The following PTGES2 variants were observed in gnomAD, a reference collection of about 807,000 sequenced individuals.
PTGES2 encodes GATE-binding factor 1.
Under a neutral mutation model 44.5 loss-of-function variants are expected in PTGES2, and 35 were observed. That is an observed-to-expected ratio of 0.79 (90% CI 0.60 to 1.04). PTGES2 has a LOEUF of 1.04. PTGES2 is among the 50% of genes least tolerant of loss of function. PTGES2 has a pLI of 0.00. For missense variants in PTGES2, 517 were observed against 521.4 expected (o/e 0.99, Z 0.08); for synonymous variants, 221 against 227.5 (o/e 0.97, Z 0.26).
At chr9:128,127,115 G>A (rs917092183) in intron 1 of PTGES2, among the ~76,000 whole-genome samples, 1 of 141,246 alleles carries the variant, frequency 7.1e-6, no homozygotes, top group Admixed American at 7.6e-5. Flanking sequence ...GGAGGCAGAG[G>A]CTGCAGTGAG....
chr9:128,122,785 G>A, intron 5 of PTGES2, 149 bp downstream of exon 5: 3 of 801,696 alleles, frequency 3.7e-6, no homozygotes, highest in Non-Finnish European at 6.0e-6. Context: ...GTCCCATCTT[G>A]GCCAAGGGAC....
Position 128,124,558 on chromosome 9 carries a change from A to C in PTGES2, c.478-8T>G, listed in dbSNP as rs1472660216. 1.9e-6 allele frequency: 3 copies of C among 1,612,872 alleles called. No individual in the cohort carries two copies. The highest frequency in any genetic ancestry group is 2.5e-6 in the Non-Finnish European group (3 of 1,179,248). On this transcript the variant is annotated splice_polypyrimidine_tract_variant and splice_region_variant and intron_variant, in intron 2 of 6. Transcript: ENST00000338961. ...GGAGTCATTTAGTTGTTGCTGGAAG[A>C]GAAAAGGGTGGTTTAATCAGAGGTT...
rs142678482 is a variant in PTGES2, at chr9:128,122,084, T to C, written c.1005+278A>G. On this transcript the variant is annotated intron_variant, in intron 6 of 6. Coordinates refer to ENST00000338961, the MANE Select transcript of PTGES2 (RefSeq NM_025072.7). ...GGAGGGCAGTGTTGATGGCGACAGG[T>C]AGAGCTTGGGCTCTGGTAACACCAC... Among the ~76,000 whole-genome samples the C allele has an allele frequency of 4.2e-4, 64 of 152,202 alleles. 1 individual carries two copies. The highest frequency in any genetic ancestry group is 1.5e-3 in the African/African-American group (64 of 41,516).
At chr9:128,122,324 C>A (rs749076743) in intron 6 of PTGES2, 38 bp downstream of exon 6, 3 of 1,536,744 alleles carry the variant, frequency 2.0e-6, no homozygotes, top group Non-Finnish European at 2.7e-6. Flanking sequence ...GAGGACAGAA[C>A]CCTCGGTCCA....
chr9:128,126,483 G>A (rs1834621197), intron 1 of PTGES2, among the ~76,000 whole-genome samples: 2 of 152,188 alleles, frequency 1.3e-5, no homozygotes, highest in Admixed American at 6.5e-5. Context: ...GGGCAGTGGG[G>A]AGAGAGGATG....
In PTGES2 at chr9:128,124,502, G is replaced by C; in HGVS notation, c.526C>G (p.Leu176Val). The C allele has an allele frequency of 6.2e-7, 1 of 1,613,780 alleles. No homozygotes were observed. Among genetic ancestry groups the C allele is most frequent in the Non-Finnish European group, 8.5e-7 (1 of 1,179,806 alleles). The part of the protein sequence containing the change: ...SVIISALKTY[L>V]VSGQPLEEII... ...CGAGGGGCTCCTTACCCCGACACCA[G>C]GTAGGTCTTGAGGGCGCTGATGATG... The change falls in exon 3 of 7, where the codon CTG becomes GTG. Residue 176 changes from leucine (L) to valine (V), a missense_variant. Leu to Val is a conservative substitution (Grantham distance 32). Transcript: ENST00000338961.
upstream of PTGES2, chr9:128,127,946 C>T: frequency 2.4e-6 from 1 of 424,898 alleles, no homozygotes; most frequent in Non-Finnish European, 4.1e-6. Context: ...TTCCATGCTT[C>T]CGCCTCCAAA....
chr9:128,125,616 TA>T (rs912241097), intron 1 of PTGES2, among the ~76,000 whole-genome samples, 175 bp from the exon 2 acceptor site: 2 of 152,098 alleles, frequency 1.3e-5, no homozygotes, highest in African/African-American at 4.8e-5. Context: ...AGCCCAGGTT[TA>T]AGCCCCTGGC....
upstream of PTGES2, chr9:128,128,021 C>T: frequency 2.5e-6 from 1 of 406,498 alleles, no homozygotes; most frequent in Non-Finnish European, 4.5e-6. Context: ...ACCTTGACCG[C>T]CTAAAGGGCG....
intron 2 of PTGES2, chr9:128,124,860 T>C: frequency 4.0e-6 from 5 of 1,246,074 alleles, no homozygotes; most frequent in Non-Finnish European, 4.1e-6. Context: ...AGGCATTTCA[T>C]ATCTGCCGTC....
rs1834670743 is a variant in PTGES2 at position 128,127,431 on chromosome 9, G to C, written c.279+8C>G. ...AGCATCCCCATCCCCGGCCGGGCCA[G>C]GCCTTACCTGCGCGGCTGAGCGCTC... On this transcript the variant is annotated splice_region_variant and intron_variant, in intron 1 of 6. Coordinates refer to ENST00000338961, the MANE Select transcript of PTGES2 (RefSeq NM_025072.7). 5 of 1,362,846 alleles carry C rather than the reference G, an allele frequency of 3.7e-6. No individual in the cohort carries two copies. The highest frequency in any genetic ancestry group is 1.5e-5 in the African/African-American group (1 of 66,920). 84.4% of individuals were successfully genotyped at this position (1,362,846 alleles called of 1,614,324 possible). A position where few individuals can be genotyped will look rare whatever the true frequency, so the allele number is the denominator to read the frequency against.
Position 128,123,612 on chromosome 9 carries a change from C to A in PTGES2, c.686+90G>T. The A allele has an allele frequency of 1.4e-6, 2 of 1,383,994 alleles. No individual in the cohort carries two copies. Among genetic ancestry groups the A allele is most frequent in the Non-Finnish European group, 9.9e-7 (1 of 1,005,230 alleles). 85.7% of individuals were successfully genotyped at this position (1,383,994 alleles called of 1,614,324 possible). A position where few individuals can be genotyped will look rare whatever the true frequency, so the allele number is the denominator to read the frequency against. On this transcript the variant is annotated intron_variant, in intron 4 of 6. Transcript: ENST00000338961. This position sits in a 1 kb window ranked among gnomAD's most constrained non-coding sequence, Gnocchi z 4.4. ...GCCCCGCTGGTCTCCCATGCTGCTC[C>A]CTGCTCACGCCATCTTGCTCAGCTT... is the stretch of plus-strand genomic sequence containing the variant.
At chr9:128,125,815 A>G (rs566395355) in intron 1 of PTGES2, among the ~76,000 whole-genome samples, 3 of 152,010 alleles carry the variant, frequency 2.0e-5, no homozygotes, top group Non-Finnish European at 4.4e-5. Flanking sequence ...TGACTTGTTC[A>G]CTCTCACTCC....
Position 128,121,254 on chromosome 9 carries a change from C to T in PTGES2, c.1025G>A (p.Arg342His), listed in dbSNP as rs776251294. Residue 342 changes from arginine to histidine, a missense_variant, in exon 7 of 7, where the codon CGT (arginine) becomes CAT (histidine). Arg to His is a conservative substitution (Grantham distance 29). Transcript: ENST00000338961. ...GAACGCATCCAGCCCCTCCATCACA[C>T]GCAGCACGCCATACACCGCCTGGGG... ...LADLAVYGVL[R>H]VMEGLDAFDD... 56 of 1,609,048 alleles carry T rather than the reference C, an allele frequency of 3.5e-5. No individual in the cohort carries two copies. Among genetic ancestry groups the T allele is most frequent in the Middle Eastern group, 1.6e-4 (1 of 6,070 alleles).
chr9:128,126,339 G>C (rs1260997177), intron 1 of PTGES2, among the ~76,000 whole-genome samples: 1 of 152,082 alleles, frequency 6.6e-6, no homozygotes, highest in Non-Finnish European at 1.5e-5. Context: ...AAGGCAGCTG[G>C]GCCACCACTT....
rs955958520 is a variant in PTGES2, at chr9:128,123,559, T to C, written c.686+143A>G. 4.7e-6 allele frequency: 4 copies of C among 850,820 alleles called. No individual in the cohort carries two copies. In the Admixed American group the frequency reaches 8.0e-5, roughly 17 times the overall value. 52.7% of individuals were successfully genotyped at this position (850,820 alleles called of 1,614,324 possible). ...CCACGCCCGGCTGCAGGAAGGTCTC[T>C]ACTGAAATCCGGCATGGCCCGGCCC... On this transcript the variant is annotated intron_variant, in intron 4 of 6. Transcript: ENST00000338961. The surrounding 1 kb of genome is among the most constrained non-coding windows in gnomAD (Gnocchi z 4.4).
At chr9:128,122,816 C>T in intron 5 of PTGES2, 118 bp downstream of exon 5, 1 of 1,074,074 alleles carries the variant, frequency 9.3e-7, no homozygotes, top group Non-Finnish European at 1.4e-6. Flanking sequence ...TAATGCGTTT[C>T]CCACCTGCCC....
Position 128,127,490 on chromosome 9 carries a change from C to T in PTGES2, c.228G>A (p.Ala76=), listed in dbSNP as rs1419388879. 8 of 1,400,622 alleles carry T rather than the reference C, an allele frequency of 5.7e-6. No individual in the cohort carries two copies. The highest frequency in any genetic ancestry group is 6.5e-6 in the Non-Finnish European group (7 of 1,073,302). 86.8% of individuals were successfully genotyped at this position (1,400,622 alleles called of 1,614,324 possible). A position where few individuals can be genotyped will look rare whatever the true frequency, so the allele number is the denominator to read the frequency against. ...GGTCCTGGGCGCGCAGGTGCCACCG[C>T]GCCGTGTGGTACAGCCCCAGGGCTC... is the stretch of plus-strand genomic sequence containing the variant. ...LGGALGLYHT[A]RWHLRAQDLH... Residue 76 remains alanine (A), a synonymous_variant, in exon 1 of 7, where the codon GCG becomes GCA. Coordinates refer to ENST00000338961, the MANE Select transcript of PTGES2 (RefSeq NM_025072.7).
chr9:128,125,169 G>T, intron 2 of PTGES2, 75 bp downstream of exon 2: 1 of 1,378,882 alleles, frequency 7.3e-7, no homozygotes. Context: ...AGGCTGCAGA[G>T]CCAGGCCAGG....
Sources: gnomAD v4.1 joint callset for allele counts (sites outside exome capture counted in the v4.1 genomes callset) on GRCh38, gnomAD v4.1.1 for gene constraint, Gnocchi (gnomAD v3.1) non-coding constraint, MANE v1.5 for transcripts, NCBI Gene and HGNC (gene_info 2026-07-23, HGNC 2026-07-21) for gene names.